The following EXD3 variants were observed in gnomAD, a reference collection of about 807,000 sequenced individuals.
EXD3 encodes the protein exonuclease mut-7 homolog.
In EXD3, 92 loss-of-function variants were observed where a neutral mutation model predicts 98.0. The ratio of observed to expected loss-of-function variants is 0.94; its 90% CI spans 0.79 to 1.12. The LOEUF (loss-of-function observed/expected upper bound fraction) is 1.12, where lower values mean the gene tolerates loss of function less well. EXD3 is among the 50% of genes most tolerant of loss of function. The pLI, the probability that EXD3 is intolerant of heterozygous loss-of-function variation, is 0.00. For synonymous variants in EXD3, 569 were observed against 526.0 expected, an observed-to-expected ratio of 1.08 and a Z score of -1.12; for missense variants, 1,222 against 1,191.6, an observed-to-expected ratio of 1.03 and a Z score of -0.38.
intron 1 of EXD3, among the ~76,000 whole-genome samples, chr9:137,419,324 TAAGTC>T (rs1838394607): frequency 1.3e-5 from 2 of 152,236 alleles, no homozygotes; most frequent in Admixed American, 1.3e-4. Context: ...ATGGCTACTC[TAAGTC>T]TTTTGTCATC....
chr9:137,311,917 C>T (rs1323389946), intron 19 of EXD3, among the ~76,000 whole-genome samples: 2 of 152,174 alleles, frequency 1.3e-5, no homozygotes, highest in African/African-American at 2.4e-5. Context: ...GGACAGCGAT[C>T]GTCCACCTGA....
At position 137,332,329 on chromosome 9, in the gene EXD3, C is replaced by A. The variant is rs989341028; in HGVS notation, c.1999-8186G>T. Among the ~76,000 whole-genome samples the A allele has an allele frequency of 3.9e-5, 6 of 152,324 alleles. No homozygotes were observed. In the East Asian group the frequency reaches 1.2e-3, roughly 29 times the overall value. On this transcript the variant is annotated intron_variant, in intron 17 of 21. Coordinates refer to ENST00000340951, the MANE Select transcript of EXD3 (RefSeq NM_017820.5). ...TCTAGGCCGGGCGCAGTGGCTCACG[C>A]CTGTAATCCCAGGACTTTGGGAGGC...
rs184391185 is a variant in EXD3 at position 137,354,453 on chromosome 9, C to T, written c.832-76G>A. On this transcript the variant is annotated intron_variant, in intron 9 of 21. Transcript: ENST00000340951. ...ATCGGGGCCTGGTGGGAGTTTTCCT[C>T]GACCCCTGGCAGGGTACATCCTTGG... 1.3e-4 allele frequency: 207 copies of T among 1,598,110 alleles called. No individual in the cohort carries two copies. The African/African-American group carries it at 2.3e-3, about 18-fold the overall frequency.
chr9:137,309,385 A>C (rs1310301959), intron 20 of EXD3, among the ~76,000 whole-genome samples: 1 of 152,134 alleles, frequency 6.6e-6, no homozygotes, highest in Non-Finnish European at 1.5e-5. Context: ...CTGGTCTGCT[A>C]CCACACAGAA....
intron 7 of EXD3, among the ~76,000 whole-genome samples, chr9:137,362,640 G>A (rs1835046188): frequency 6.6e-6 from 1 of 152,024 alleles, no homozygotes; most frequent in African/African-American, 2.4e-5. Context: ...GGGATTCTGG[G>A]TGTGAGCCAC....
At chr9:137,325,820 C>T (rs1239214180) in intron 17 of EXD3, among the ~76,000 whole-genome samples, 3 of 152,056 alleles carry the variant, frequency 2.0e-5, no homozygotes, top group Non-Finnish European at 4.4e-5. Context: ...CTGGGCAAGG[C>T]GGCTCGTGCC....
intron 20 of EXD3, among the ~76,000 whole-genome samples, chr9:137,308,194 G>A (rs1026231303): frequency 2.0e-5 from 3 of 152,168 alleles, no homozygotes; most frequent in Admixed American, 1.3e-4. Context: ...CTGAGTGCAC[G>A]GTAGCCGAGG....
rs114346333 is a variant in EXD3, at chr9:137,398,916, C to T, written c.-47-3512G>A. Among the ~76,000 whole-genome samples the T allele has an allele frequency of 5.6e-3, 850 of 150,930 alleles. 12 individuals carry two copies. The highest frequency in any genetic ancestry group is 0.02 in the African/African-American group (803 of 40,936). ...CGCGTCCCCAAGACACACAGGCAAC[C>T]GCGTCTCCGTGACACATGTGCACCC... On this transcript the variant is annotated intron_variant, in intron 1 of 21. Coordinates refer to ENST00000340951, the MANE Select transcript of EXD3 (RefSeq NM_017820.5).
intron 1 of EXD3, among the ~76,000 whole-genome samples, chr9:137,409,187 A>G (rs1837877989): frequency 1.3e-5 from 2 of 152,136 alleles, no homozygotes; most frequent in Non-Finnish European, 2.9e-5. Context: ...GCTTTATAAG[A>G]GGAGGAGGAG....
At chr9:137,330,328 G>GGGACTACACA (rs1227353075) in intron 17 of EXD3, among the ~76,000 whole-genome samples, 1 of 125,304 alleles carries the variant, frequency 8.0e-6, no homozygotes, top group African/African-American at 3.0e-5. Flanking sequence ...GGAGCTACAC[G>GGGACTACACA]GGACTACACA....
chr9:137,318,948 C>T (rs1161518060), intron 19 of EXD3, among the ~76,000 whole-genome samples: 1 of 152,264 alleles, frequency 6.6e-6, no homozygotes, highest in African/African-American at 2.4e-5. Flanking sequence ...AGCACCCCAG[C>T]CTCGCTCTGG....
intron 10 of EXD3, chr9:137,354,099 C>T (rs1320568756): frequency 5.4e-5 from 69 of 1,273,514 alleles, no homozygotes; most frequent in African/African-American, 9.2e-5. Context: ...CGGACGCTGC[C>T]GTCTGCCTGG....
chr9:137,420,837 C>G (rs1838482253), intron 1 of EXD3, among the ~76,000 whole-genome samples: 2 of 149,338 alleles, frequency 1.3e-5, no homozygotes, highest in Non-Finnish European at 3.0e-5. Flanking sequence ...TGTTTAGAGA[C>G]AGGGTCTCGC....
At chr9:137,402,200 G>A (rs1837506598) in intron 1 of EXD3, among the ~76,000 whole-genome samples, 1 of 152,126 alleles carries the variant, frequency 6.6e-6, no homozygotes, top group Admixed American at 6.6e-5. Context: ...ATTTTTAGTA[G>A]AGATGTGGTT....
At chr9:137,309,450 T>C (rs1028732784) in intron 20 of EXD3, among the ~76,000 whole-genome samples, 157 bp downstream of exon 20, 1 of 152,148 alleles carries the variant, frequency 6.6e-6, no homozygotes, top group East Asian at 1.9e-4. Flanking sequence ...CCACCTGTTG[T>C]CACCTGGCTG....
intron 2 of EXD3, among the ~76,000 whole-genome samples, chr9:137,394,666 T>C (rs1465179249): frequency 1.3e-5 from 2 of 151,628 alleles, no homozygotes; most frequent in African/African-American, 4.9e-5. Flanking sequence ...CCCCTCGGGC[T>C]GTTTATCCTC....
intron 1 of EXD3, among the ~76,000 whole-genome samples, chr9:137,402,743 T>A (rs554900270): frequency 1.3e-5 from 2 of 152,192 alleles, no homozygotes; most frequent in Admixed American, 1.3e-4. Flanking sequence ...TTTACTGCGT[T>A]AGCCCGTTTT....
chr9:137,331,845 G>T (rs1444080733), intron 17 of EXD3, among the ~76,000 whole-genome samples: 1 of 152,128 alleles, frequency 6.6e-6, no homozygotes, highest in Non-Finnish European at 1.5e-5. Flanking sequence ...GAACCCGGGA[G>T]GTGGATGTTG....
At chr9:137,374,919 G>A (rs1341032106) in intron 3 of EXD3, 1 of 929,212 alleles carries the variant, frequency 1.1e-6, no homozygotes, top group Admixed American at 6.2e-5. Context: ...GCTCTAGTGA[G>A]TTCTAACTCT....
Sources: allele counts gnomAD v4.1 joint callset (sites outside exome capture counted in the v4.1 genomes callset), GRCh38; gene constraint gnomAD v4.1.1; transcripts MANE v1.5; gene names NCBI Gene and HGNC (gene_info 2026-07-23, HGNC 2026-07-21).